The following CDH8 variants were observed in gnomAD, a reference collection of about 807,000 sequenced individuals.
CDH8 encodes the protein cadherin-8.
CDH8 carries 17 observed loss-of-function variants against 68.1 expected under a neutral mutation model. The observed-to-expected ratio is 0.25, with a 90% CI of 0.17 to 0.37. The LOEUF is 0.37. CDH8 is among the 10% of genes least tolerant of loss of function. The probability of loss-of-function intolerance (pLI) is 1.00; values close to 1 mark genes in which losing one functional copy is unlikely to be tolerated. For missense variants in CDH8, 763 were observed against 999.3 expected (o/e 0.76, Z 3.19); for synonymous variants, 372 against 365.1 (o/e 1.02, Z -0.21).
intron 3 of CDH8, among the ~76,000 whole-genome samples, chr16:61,888,207 T>C (rs1846738231): frequency 6.6e-6 from 1 of 152,122 alleles, no homozygotes. Flanking sequence ...CTAGGCCAGA[T>C]AAATGTGACT....
At chr16:61,691,891 A>C (rs1964230997) in intron 10 of CDH8, 1 of 152,100 alleles carries the variant, frequency 6.6e-6, no homozygotes, top group Non-Finnish European at 1.5e-5. Flanking sequence ...ACAGCTGCTG[A>C]ATTTTTTCCT....
At chr16:61,818,462 T>C (rs1005551950) in intron 6 of CDH8, among the ~76,000 whole-genome samples, 2 of 152,154 alleles carry the variant, frequency 1.3e-5, no homozygotes, top group Non-Finnish European at 2.9e-5. Flanking sequence ...TATAAATAGA[T>C]AACTGAATCT....
At chr16:61,782,671 G>A (rs1176017109) in intron 8 of CDH8, among the ~76,000 whole-genome samples, 1 of 152,154 alleles carries the variant, frequency 6.6e-6, no homozygotes, top group Non-Finnish European at 1.5e-5. Context: ...AGTAACCTCT[G>A]CAGACTTAAA....
intron 7 of CDH8, among the ~76,000 whole-genome samples, chr16:61,798,095 A>G (rs1961539192): frequency 6.6e-6 from 1 of 152,218 alleles, no homozygotes; most frequent in Non-Finnish European, 1.5e-5. Context: ...CAATGTTTAC[A>G]TAATACTTTT....
At chr16:62,018,125 A>G (rs1345791863) in intron 2 of CDH8, among the ~76,000 whole-genome samples, 1 of 152,212 alleles carries the variant, frequency 6.6e-6, no homozygotes, top group African/African-American at 2.4e-5. Flanking sequence ...AAACTTCAGT[A>G]ACCTTCTCAG....
intron 8 of CDH8, among the ~76,000 whole-genome samples, chr16:61,748,638 C>T (rs1960083981): frequency 6.6e-6 from 1 of 151,850 alleles, no homozygotes; most frequent in South Asian, 2.1e-4. Context: ...GTTTCTCCAC[C>T]CAAATTCCTG....
At chr16:61,960,085 ATATG>A (rs1480621086) in intron 2 of CDH8, among the ~76,000 whole-genome samples, 4 of 23,722 alleles carry the variant, frequency 1.7e-4, no homozygotes, top group Admixed American at 5.4e-4. Context: ...ATATATACAT[ATATG>A]TGTGTGTGTA....
intron 2 of CDH8, among the ~76,000 whole-genome samples, chr16:61,989,182 G>T (rs72800829): frequency 0.048 from 7,264 of 152,150 alleles, 199 homozygotes; most frequent in Middle Eastern, 0.058. Flanking sequence ...AAAATAGATA[G>T]ATGAAAAATA....
At chr16:61,981,378 G>C (rs1439161008) in intron 2 of CDH8, among the ~76,000 whole-genome samples, 1 of 151,988 alleles carries the variant, frequency 6.6e-6, no homozygotes, top group Non-Finnish European at 1.5e-5. Context: ...TTCTCAATCT[G>C]TATCTCTCAA....
chr16:62,032,476 A>C (rs1902350583), intron 1 of CDH8, among the ~76,000 whole-genome samples: 1 of 152,126 alleles, frequency 6.6e-6, no homozygotes, highest in African/African-American at 2.4e-5. Flanking sequence ...GCAAAGTTAG[A>C]CCATTTCCTC....
intron 8 of CDH8, among the ~76,000 whole-genome samples, chr16:61,745,983 A>G (rs74023235): frequency 0.012 from 1,829 of 152,202 alleles, 45 homozygotes; most frequent in African/African-American, 0.042. Context: ...AGATAGATCA[A>G]TTTGATACCA....
rs200832306 is a variant in CDH8, at chr16:61,864,443, G to A, written c.548-7205C>T. Among the ~76,000 whole-genome samples, 9 of 152,202 alleles carry A rather than the reference G, an allele frequency of 5.9e-5. No homozygotes were observed. The East Asian group carries it at 1.4e-3, about 23-fold the overall frequency. Reference sequence around the variant, plus strand: ...GCTGAAGGAAAAAGCTGAGAAATAAGTGTATGCAGCCCATGCATTCATTTT... The same window carrying A: ...GCTGAAGGAAAAAGCTGAGAAATAAATGTATGCAGCCCATGCATTCATTTT... On this transcript the variant is annotated intron_variant, in intron 3 of 11. Coordinates refer to ENST00000577390, the MANE Select transcript of CDH8 (RefSeq NM_001796.5).
chr16:61,668,327 T>G (rs529891428), intron 10 of CDH8, among the ~76,000 whole-genome samples: 1 of 152,080 alleles, frequency 6.6e-6, no homozygotes, highest in East Asian at 1.9e-4. Flanking sequence ...GTGTGTTTGA[T>G]GATTTTTTTC....
chr16:61,724,076 T>A (rs183448868), intron 9 of CDH8, among the ~76,000 whole-genome samples: 1 of 150,764 alleles, frequency 6.6e-6, no homozygotes, highest in Non-Finnish European at 1.5e-5. Context: ...TCTAATCAAA[T>A]GTGATTCAGG....
chr16:61,851,636 T>C (rs1962939643), intron 4 of CDH8, among the ~76,000 whole-genome samples: 1 of 151,220 alleles, frequency 6.6e-6, no homozygotes, highest in Non-Finnish European at 1.5e-5. Context: ...CATATGGTAT[T>C]GGGGGTGGCA....
intron 2 of CDH8, among the ~76,000 whole-genome samples, chr16:61,996,198 C>A (rs1257678026): frequency 2.0e-5 from 3 of 151,724 alleles, no homozygotes; most frequent in Non-Finnish European, 4.4e-5. Context: ...GTCATCCAAC[C>A]CAATCCCCTG....
At chr16:61,690,970 A>G (rs752782761) in intron 10 of CDH8, among the ~76,000 whole-genome samples, 4 of 152,030 alleles carry the variant, frequency 2.6e-5, no homozygotes, top group Non-Finnish European at 5.9e-5. Flanking sequence ...ACTTTTAGAT[A>G]TTGATGCCAG....
chr16:61,922,513 C>T (rs535565159), intron 2 of CDH8, among the ~76,000 whole-genome samples: 10 of 152,150 alleles, frequency 6.6e-5, no homozygotes, highest in South Asian at 6.2e-4. Context: ...TTGCATCCTG[C>T]TTTTTTCACT....
intron 7 of CDH8, among the ~76,000 whole-genome samples, chr16:61,816,471 T>C (rs528135702): frequency 2.0e-5 from 3 of 152,170 alleles, no homozygotes; most frequent in Non-Finnish European, 4.4e-5. Context: ...ACTTGTAAAT[T>C]GAAAGGGTTT....
Sources: gnomAD v4.1 joint callset for allele counts (sites outside exome capture counted in the v4.1 genomes callset) on GRCh38, gnomAD v4.1.1 for gene constraint, MANE v1.5 for transcripts, NCBI Gene and HGNC (gene_info 2026-07-23, HGNC 2026-07-21) for gene names.